Variants in ERGIC1 observed in about 807,000 individuals in gnomAD.
The protein encoded by ERGIC1 is endoplasmic reticulum-golgi intermediate compartment 1.
A neutral mutation model predicts 38.3 loss-of-function variants in ERGIC1; 19 were observed. The ratio of observed to expected loss-of-function variants is 0.50; its 90% CI spans 0.35 to 0.73. The LOEUF (loss-of-function observed/expected upper bound fraction) is 0.73, where lower values mean the gene tolerates loss of function less well. ERGIC1 is among the 30% of genes least tolerant of loss of function. The probability of loss-of-function intolerance (pLI) is 0.01; values close to 1 mark genes in which losing one functional copy is unlikely to be tolerated. For missense variants in ERGIC1, 294 were observed against 389.2 expected (o/e 0.76, Z 2.06); for synonymous variants, 124 against 157.6 (o/e 0.79, Z 1.60).
rs113437825 is a variant in ERGIC1, at chr5:172,909,706, C to T, written c.195C>T (p.Ser65=). 75 of 1,614,042 alleles carry T rather than the reference C, an allele frequency of 4.6e-5. No individual in the cohort carries two copies. The highest frequency in any genetic ancestry group is 1.3e-4 in the African/African-American group (10 of 74,920). Reference sequence around the variant, plus strand: ...ATGTCGATGACCCAGACAAGGACAGCGGTGGCAAGATCGACGTCAGTCTGA... The same window carrying T: ...ATGTCGATGACCCAGACAAGGACAGTGGTGGCAAGATCGACGTCAGTCTGA... ...ELYVDDPDKD[S]GGKIDVSLNI... The change falls in exon 4 of 10, where the codon AGC becomes AGT. Residue 65 remains serine, a synonymous_variant. Transcript: ENST00000393784.
At chr5:172,918,640 A>G (rs547454655) in intron 5 of ERGIC1, among the ~76,000 whole-genome samples, 1 of 152,352 alleles carries the variant, frequency 6.6e-6, no homozygotes, top group South Asian at 2.1e-4. Context: ...TGCTGCAGAG[A>G]GTGCTCCAGA....
chr5:172,905,670 G>T (rs535928291), intron 3 of ERGIC1, among the ~76,000 whole-genome samples: 1 of 152,350 alleles, frequency 6.6e-6, no homozygotes, highest in Admixed American at 6.5e-5. Flanking sequence ...GATCCAGAGG[G>T]GTGGAAGTCA....
intron 2 of ERGIC1, 73 bp downstream of exon 2, chr5:172,888,833 A>G (rs896767885): frequency 6.6e-6 from 9 of 1,354,054 alleles, no homozygotes; most frequent in South Asian, 1.2e-5. Context: ...TGTGCAGATC[A>G]TCTGGGCCAG....
At chr5:172,910,520 C>CTTTTTTTTTTTTTTT (rs58360974) in intron 4 of ERGIC1, among the ~76,000 whole-genome samples, 1 of 139,044 alleles carries the variant, frequency 7.2e-6, no homozygotes, top group African/African-American at 2.8e-5. Context: ...TGAATTACTT[C>CTTTTTTTTTTTTTTT]TTTTTTTTTT....
chr5:172,939,166 G>T (rs181248619), intron 9 of ERGIC1, among the ~76,000 whole-genome samples: 1 of 152,202 alleles, frequency 6.6e-6, no homozygotes, highest in African/African-American at 2.4e-5. Context: ...TCCGGCCCCC[G>T]TAGCAGGCAC....
intron 9 of ERGIC1, among the ~76,000 whole-genome samples, chr5:172,940,538 C>A (rs947766041): frequency 6.6e-6 from 1 of 152,052 alleles, no homozygotes; most frequent in Non-Finnish European, 1.5e-5. Flanking sequence ...AGATCTCTTT[C>A]CTTGCATGGT....
intron 2 of ERGIC1, 68 bp from the exon 3 acceptor site, chr5:172,896,934 T>C (rs1203866282): frequency 2.7e-6 from 4 of 1,467,974 alleles, no homozygotes; most frequent in Non-Finnish European, 3.8e-6. Flanking sequence ...TCCTCTTCCC[T>C]CTAGGCTGGT....
intron 5 of ERGIC1, among the ~76,000 whole-genome samples, chr5:172,921,968 C>CCA (rs1664051074): frequency 6.6e-6 from 1 of 152,254 alleles, no homozygotes; most frequent in Non-Finnish European, 1.5e-5. Flanking sequence ...TTCCCTGTAA[C>CCA]CCCCATGGTC....
chr5:172,883,855 T>G lies in ERGIC1; in HGVS notation c.21-4844T>G, dbSNP rs370255892. On this transcript the variant is annotated intron_variant, in intron 1 of 9. Coordinates refer to ENST00000393784, the MANE Select transcript of ERGIC1 (RefSeq NM_001031711.3). The stretch of plus-strand genomic sequence containing the variant: ...AAAATTAGCCAGGCATGATGGTGCA[T>G]CCCTGTAGTCCCAGCTACTCGGGAG... Among the ~76,000 whole-genome samples, 9 of 152,258 alleles carry G rather than the reference T, an allele frequency of 5.9e-5. No individual in the cohort carries two copies. In the East Asian group the frequency reaches 1.2e-3, roughly 20 times the overall value.
intron 4 of ERGIC1, 52 bp downstream of exon 4, chr5:172,909,813 ATG>A: frequency 6.7e-7 from 1 of 1,492,148 alleles, no homozygotes; most frequent in Non-Finnish European, 9.4e-7. Flanking sequence ...CTTAGGGCAA[ATG>A]TGTGTGTGCA....
At position 172,836,781 on chromosome 5, in the gene ERGIC1, G is replaced by A. The variant is rs115785484; in HGVS notation, c.20+2348G>A. Among the ~76,000 whole-genome samples, 349 of 152,340 alleles carry A rather than the reference G, an allele frequency of 2.3e-3. 1 individual carries two copies. The highest frequency in any genetic ancestry group is 8.0e-3 in the African/African-American group (333 of 41,574). On this transcript the variant is annotated intron_variant, in intron 1 of 9. Coordinates refer to ENST00000393784, the MANE Select transcript of ERGIC1 (RefSeq NM_001031711.3). Reference sequence around the variant, plus strand: ...TGGGGTCCCAGGAGTGGGGGTGTGCGTGAACTGGCACGCAAGGAGCATCTA... The same window carrying A: ...TGGGGTCCCAGGAGTGGGGGTGTGCATGAACTGGCACGCAAGGAGCATCTA...
rs567280200 is a variant in ERGIC1, at chr5:172,927,935, C to T, written c.541+1366C>T. ...CTCTGATATGTACAGGGTTGGCGCT[C>T]TGTTACCCGATTGCTTTCCAGCTGT... On this transcript the variant is annotated intron_variant, in intron 7 of 9. Transcript: ENST00000393784. Among the ~76,000 whole-genome samples the T allele has an allele frequency of 2.0e-5, 3 of 152,298 alleles. No homozygotes were observed. In the South Asian group the frequency reaches 6.2e-4, roughly 32 times the overall value.
chr5:172,926,760 T>TGAC lies in ERGIC1; in HGVS notation c.541+192_541+193insACG. 1 of 609,818 alleles carries TGAC rather than the reference T, an allele frequency of 1.6e-6. No homozygotes were observed. Among genetic ancestry groups the TGAC allele is most frequent in the Non-Finnish European group, 2.9e-6 (1 of 344,930 alleles). 37.8% of individuals were successfully genotyped at this position (609,818 alleles called of 1,614,324 possible). A position where few individuals can be genotyped will look rare whatever the true frequency, so the allele number is the denominator to read the frequency against. On this transcript the variant is annotated intron_variant, in intron 7 of 9. Transcript: ENST00000393784. The surrounding 1 kb of genome is among the most constrained non-coding windows in gnomAD (Gnocchi z 5.2). ...AGCCCCGTCCAGACCCAGACCCTGATGGAGAAGGAAGAAGGCTTGTCCCGG... is the reference window on the plus strand; with the variant it reads ...AGCCCCGTCCAGACCCAGACCCTGATGACGGAGAAGGAAGAAGGCTTGTCCCGG...
At chr5:172,855,183 C>G (rs901523694) in intron 1 of ERGIC1, among the ~76,000 whole-genome samples, 2 of 152,150 alleles carry the variant, frequency 1.3e-5, no homozygotes, top group African/African-American at 2.4e-5. Flanking sequence ...TCCCAGAACA[C>G]CAGGACACAC....
In ERGIC1 at chr5:172,950,839, G is replaced by A. The variant is rs748654628; in HGVS notation, c.*23G>A. The A allele has an allele frequency of 5.7e-6, 9 of 1,590,192 alleles. No homozygotes were observed. Among genetic ancestry groups the A allele is most frequent in the East Asian group, 2.3e-5 (1 of 44,092 alleles). On this transcript the variant is annotated 3_prime_UTR_variant, in exon 10 of 10. Transcript: ENST00000393784. Reference sequence around the variant, plus strand: ...TGACGCCACACCCAGCCTAATGGCCGAGGACCCTGGGCATCGCCAGCCTTG... The same window carrying A: ...TGACGCCACACCCAGCCTAATGGCCAAGGACCCTGGGCATCGCCAGCCTTG...
intron 3 of ERGIC1, among the ~76,000 whole-genome samples, chr5:172,908,253 G>GAGAAGGGGGAA (rs2113369820): frequency 7.3e-6 from 1 of 136,186 alleles, no homozygotes; most frequent in East Asian, 2.4e-4. Context: ...GTGGAGGCCA[G>GAGAAGGGGGAA]GCACAGTGGC....
chr5:172,932,389 G>A (rs1763797480), intron 7 of ERGIC1, 47 bp from the exon 8 acceptor site: 2 of 1,585,062 alleles, frequency 1.3e-6, no homozygotes, highest in Non-Finnish European at 1.7e-6. Flanking sequence ...AGCTGTCAGC[G>A]GGCAGTGCCC....
chr5:172,948,941 C>T (rs1053130264), intron 9 of ERGIC1, among the ~76,000 whole-genome samples: 7 of 152,132 alleles, frequency 4.6e-5, no homozygotes, highest in African/African-American at 9.7e-5. Context: ...GTAATCCTGG[C>T]TACCCCGGAG....
intron 1 of ERGIC1, chr5:172,867,196 A>G (rs771750646): frequency 3.7e-5 from 17 of 455,572 alleles, no homozygotes; most frequent in African/African-American, 3.4e-4. Context: ...TTATCGTGCT[A>G]CCTGGAAAGT....
Sources: gnomAD v4.1 joint callset for allele counts (sites outside exome capture counted in the v4.1 genomes callset) on GRCh38, gnomAD v4.1.1 for gene constraint, Gnocchi (gnomAD v3.1) non-coding constraint, MANE v1.5 for transcripts, NCBI Gene and HGNC (gene_info 2026-07-23, HGNC 2026-07-21) for gene names.